The following PARPBP variants were observed in gnomAD, a reference collection of about 807,000 sequenced individuals.
The protein encoded by PARPBP is PCNA-interacting partner.
PARPBP carries 52 observed loss-of-function variants against 50.0 expected under a neutral mutation model. That is an observed-to-expected ratio of 1.04 (90% CI 0.83 to 1.31). PARPBP has a LOEUF of 1.31. Ranked by LOEUF, PARPBP falls within the 50% of genes most tolerant of loss-of-function variation. The pLI is 0.00. For synonymous variants in PARPBP, 244 were observed against 232.1 expected (o/e 1.05, Z -0.47); for missense variants, 697 against 672.0 (o/e 1.04, Z -0.41).
At chr12:102,156,719 G>A (rs1886988736) in intron 4 of PARPBP, among the ~76,000 whole-genome samples, 1 of 152,050 alleles carries the variant, frequency 6.6e-6, no homozygotes, top group African/African-American at 2.4e-5. Flanking sequence ...TCCACTTACT[G>A]CAACCACTGC....
At chr12:102,179,163 T>C (rs1451045390) in intron 8 of PARPBP, among the ~76,000 whole-genome samples, 1 of 152,136 alleles carries the variant, frequency 6.6e-6, no homozygotes, top group African/African-American at 2.4e-5. Flanking sequence ...TTGAGAGATA[T>C]TAAGTAATTT....
intron 4 of PARPBP, among the ~76,000 whole-genome samples, chr12:102,156,830 C>A (rs963290158): frequency 6.6e-6 from 1 of 151,932 alleles, no homozygotes; most frequent in Non-Finnish European, 1.5e-5. Context: ...TTAGTAGAGA[C>A]CAGGTTTTAC....
At position 102,192,068 on chromosome 12, in the gene PARPBP, A is replaced by G. The variant is rs566356321; in HGVS notation, c.1264-3244A>G. On this transcript the variant is annotated intron_variant, in intron 9 of 10. Coordinates refer to ENST00000327680, the MANE Select transcript of PARPBP (RefSeq NM_017915.5). The stretch of plus-strand genomic sequence containing the variant: ...AAGCAATCTCTTTTAAGTTATAAAT[A>G]TAAGCCAATGTAGGTTGCGTTGTTT... 1.3e-5 allele frequency among the ~76,000 whole-genome samples: 2 copies of G among 152,288 alleles called. 1 individual carries two copies. The highest frequency in any genetic ancestry group is 4.1e-4 in the South Asian group (2 of 4,832).
chr12:102,133,285 G>T (rs1883139510), intron 2 of PARPBP, among the ~76,000 whole-genome samples: 2 of 152,082 alleles, frequency 1.3e-5, no homozygotes, highest in Admixed American at 1.3e-4. Flanking sequence ...CTGTGAGTTT[G>T]TCATATATGG....
intron 5 of PARPBP, among the ~76,000 whole-genome samples, chr12:102,165,124 T>G (rs931968492): frequency 1.3e-5 from 2 of 152,226 alleles, no homozygotes; most frequent in Non-Finnish European, 2.9e-5. Context: ...GAATGTACCT[T>G]GGAACATTTC....
In PARPBP at chr12:102,197,348, G is replaced by T; in HGVS notation, c.*1057G>T. The stretch of plus-strand genomic sequence containing the variant: ...AAACACTTTCAGATAAGAGGTGTTT[G>T]CTGGGATGGAAGAACTACCTGGCAT... On this transcript the variant is annotated 3_prime_UTR_variant, in exon 11 of 11. Transcript: ENST00000327680. 1 of 810,168 alleles carries T rather than the reference G, an allele frequency of 1.2e-6. No homozygotes were observed. The highest frequency in any genetic ancestry group is 1.9e-6 in the Non-Finnish European group (1 of 523,460). The allele number at this position is 810,168 out of a possible 1,614,324, so 50.2% of individuals were successfully genotyped here. A position where few individuals can be genotyped will look rare whatever the true frequency, so the allele number is the denominator to read the frequency against.
At chr12:102,138,066 T>C (rs1223071341) in intron 2 of PARPBP, among the ~76,000 whole-genome samples, 1 of 152,208 alleles carries the variant, frequency 6.6e-6, no homozygotes, top group East Asian at 1.9e-4. Context: ...TCTAGATCCC[T>C]GAGGAATCAC....
intron 6 of PARPBP, among the ~76,000 whole-genome samples, chr12:102,169,238 C>G (rs2136353813): frequency 6.6e-6 from 1 of 152,104 alleles, no homozygotes; most frequent in East Asian, 1.9e-4. Context: ...ACTCTTTTTT[C>G]CTATAACTTC....
Position 102,123,962 on chromosome 12 carries a change from ACT to A in PARPBP, c.77_78del (p.Ser26Ter). ...CGAAAAAATTGGCGTGCTCTTTGTA[ACT>A]CTGAGAGAACTACTCTATGTGGTGC... On this transcript the variant is annotated frameshift_variant, in exon 2 of 11. Coordinates refer to ENST00000327680, the MANE Select transcript of PARPBP (RefSeq NM_017915.5). LOFTEE classifies it high-confidence loss of function. The A allele has an allele frequency of 1.3e-6, 2 of 1,534,602 alleles. No individual in the cohort carries two copies. The highest frequency in any genetic ancestry group is 2.4e-5 in the South Asian group (2 of 84,026).
Position 102,164,665 on chromosome 12 carries a change from C to T in PARPBP, c.666+57C>T, listed in dbSNP as rs545522144. 2.7e-4 allele frequency: 381 copies of T among 1,393,032 alleles called. 3 individuals carry two copies. The South Asian group carries it at 3.0e-3, about 11-fold the overall frequency. The allele number at this position is 1,393,032 out of a possible 1,614,324, so 86.3% of individuals were successfully genotyped here. A position where few individuals can be genotyped will look rare whatever the true frequency, so the allele number is the denominator to read the frequency against. On this transcript the variant is annotated intron_variant, in intron 5 of 10. Coordinates refer to ENST00000327680, the MANE Select transcript of PARPBP (RefSeq NM_017915.5). The stretch of plus-strand genomic sequence containing the variant: ...CTCCTTGCACAGTGGATCCATGTAT[C>T]CTAATATGCTTGTAACTAGGATGAA...
At chr12:102,137,273 A>G (rs1031384596) in intron 2 of PARPBP, among the ~76,000 whole-genome samples, 3 of 152,168 alleles carry the variant, frequency 2.0e-5, no homozygotes, top group African/African-American at 7.2e-5. Context: ...GAAGTTTGAG[A>G]ACATGAGTCT....
rs1889189788 is a variant in PARPBP at position 102,175,623 on chromosome 12, A to C, written c.962A>C (p.Glu321Ala). Residue 321 changes from glutamate (E) to alanine (A), a missense_variant, in exon 7 of 11, where the codon GAA becomes GCA. By Grantham distance (107) the Glu-to-Ala change is moderately radical. Transcript: ENST00000327680. ...LRIKNIINSQEGVVALSTTDI... is the reference protein window; with the variant it reads ...LRIKNIINSQAGVVALSTTDI... Reference sequence around the variant, plus strand: ...ATTAAAAATATTATCAATTCTCAAGAAGGTGTTGTAGCTCTTAGCACCACT... The same window carrying C: ...ATTAAAAATATTATCAATTCTCAAGCAGGTGTTGTAGCTCTTAGCACCACT... 2 of 1,613,534 alleles carry C rather than the reference A, an allele frequency of 1.2e-6. No homozygotes were observed. The highest frequency in any genetic ancestry group is 1.7e-6 in the Non-Finnish European group (2 of 1,179,530).
chr12:102,195,377 G>A lies in PARPBP; in HGVS notation c.1329G>A (p.Lys443=). ...CTYKDDYMIS[K]DNWNNVNLAS... Reference sequence around the variant, plus strand: ...ATAAAGATGACTACATGATAAGCAAGGATAATTGGAATAATGTTAATTTAG... The same window carrying A: ...ATAAAGATGACTACATGATAAGCAAAGATAATTGGAATAATGTTAATTTAG... The change falls in exon 10 of 11, where the codon AAG becomes AAA. Residue 443 remains lysine (K), a synonymous_variant. Transcript: ENST00000327680. 1.9e-6 allele frequency: 3 copies of A among 1,589,570 alleles called. No homozygotes were observed. Among genetic ancestry groups the A allele is most frequent in the Non-Finnish European group, 2.6e-6 (3 of 1,162,088 alleles).
chr12:102,130,589 T>C (rs1241420377), intron 2 of PARPBP, among the ~76,000 whole-genome samples: 2 of 152,102 alleles, frequency 1.3e-5, no homozygotes, highest in Admixed American at 1.3e-4. Context: ...CATGGTGGCT[T>C]ACTCATGTAA....
At chr12:102,131,766 T>C (rs186585649) in intron 2 of PARPBP, among the ~76,000 whole-genome samples, 3 of 152,244 alleles carry the variant, frequency 2.0e-5, no homozygotes, top group South Asian at 2.1e-4. Flanking sequence ...TTCTCACTTA[T>C]AAGTGGGAGC....
Position 102,151,330 on chromosome 12 carries a change from C to T in PARPBP, c.388-2539C>T, listed in dbSNP as rs143805006. 1.7e-3 allele frequency among the ~76,000 whole-genome samples: 264 copies of T among 152,222 alleles called. 2 individuals are homozygous for T. Among genetic ancestry groups the T allele is most frequent in the African/African-American group, 6.1e-3 (255 of 41,540 alleles). On this transcript the variant is annotated intron_variant, in intron 3 of 10. Coordinates refer to ENST00000327680, the MANE Select transcript of PARPBP (RefSeq NM_017915.5). ...TGGGCTCTCTGGGATGGGGGGATGG[C>T]AGAGGGTGCTGCAACTACCCACGGA...
chr12:102,154,196 A>AATAAT (rs1461894602), intron 4 of PARPBP, among the ~76,000 whole-genome samples: 1 of 152,242 alleles, frequency 6.6e-6, no homozygotes, highest in African/African-American at 2.4e-5. Context: ...ATTGAACAAA[A>AATAAT]ATAGTTATCA....
chr12:102,193,884 G>C (rs1891026768), intron 9 of PARPBP, among the ~76,000 whole-genome samples: 1 of 151,924 alleles, frequency 6.6e-6, no homozygotes, highest in Non-Finnish European at 1.5e-5. Flanking sequence ...TAAAAAAATA[G>C]TTTTTGATCT....
At chr12:102,173,526 G>A (rs1178690167) in intron 6 of PARPBP, among the ~76,000 whole-genome samples, 1 of 152,080 alleles carries the variant, frequency 6.6e-6, no homozygotes, top group Admixed American at 6.6e-5. Flanking sequence ...CAGTTTAAGA[G>A]TGTTGCTGGA....
Sources: gnomAD v4.1 joint callset for allele counts (sites outside exome capture counted in the v4.1 genomes callset) on GRCh38, gnomAD v4.1.1 for gene constraint, MANE v1.5 for transcripts, NCBI Gene and HGNC (gene_info 2026-07-23, HGNC 2026-07-21) for gene names.